DLGAP2: variants seen among roughly 807,000 people sequenced by gnomAD.
DLGAP2 encodes disks large-associated protein 2.
DLGAP2 carries 26 observed loss-of-function variants against 100.3 expected under a neutral mutation model. The observed-to-expected ratio is 0.26, with a 90% CI of 0.19 to 0.36. The LOEUF is 0.36. DLGAP2 is among the 10% of genes least tolerant of loss of function. The pLI, the probability that DLGAP2 is intolerant of heterozygous loss-of-function variation, is 1.00. For synonymous variants in DLGAP2, 886 were observed against 630.1 expected, an observed-to-expected ratio of 1.41 and a Z score of -6.08; for missense variants, 1,858 against 1,453.2, an observed-to-expected ratio of 1.28 and a Z score of -4.53.
chr8:1,340,782 A>G (rs548465730), intron 3 of DLGAP2, among the ~76,000 whole-genome samples: 50 of 152,342 alleles, frequency 3.3e-4, no homozygotes, highest in African/African-American at 1.1e-3. Context: ...ACACATGCAC[A>G]TGTGTGTTCA....
intron 5 of DLGAP2, 175 bp from the exon 6 acceptor site, chr8:1,565,508 T>G: frequency 1.7e-6 from 1 of 574,426 alleles, no homozygotes; most frequent in Non-Finnish European, 3.0e-6. Flanking sequence ...AAACCAACAT[T>G]TTTATATTCA....
At chr8:1,178,744 G>A (rs1305020234) in intron 2 of DLGAP2, among the ~76,000 whole-genome samples, 1 of 152,170 alleles carries the variant, frequency 6.6e-6, no homozygotes, top group East Asian at 1.9e-4. Flanking sequence ...CTTTGGCTCA[G>A]AGACAGTCTT....
intron 2 of DLGAP2, among the ~76,000 whole-genome samples, chr8:1,057,824 T>C (rs1036641284): frequency 9.9e-5 from 15 of 152,102 alleles, no homozygotes; most frequent in Non-Finnish European, 2.9e-5. Context: ...CAAAACAAAG[T>C]ACTTGTTGAA....
chr8:1,675,297 A>T (rs1256408072), intron 10 of DLGAP2, among the ~76,000 whole-genome samples: 1 of 152,202 alleles, frequency 6.6e-6, no homozygotes, highest in African/African-American at 2.4e-5. Context: ...CAAGAGCCCT[A>T]GCCCTGACCC....
At chr8:834,797 C>A (rs1449602450) in intron 1 of DLGAP2, among the ~76,000 whole-genome samples, 1 of 152,164 alleles carries the variant, frequency 6.6e-6, no homozygotes, top group Non-Finnish European at 1.5e-5. Context: ...GTACCCCAAA[C>A]CTCAGCCTCA....
chr8:1,664,784 T>A (rs1034008352), intron 8 of DLGAP2, among the ~76,000 whole-genome samples: 1 of 152,210 alleles, frequency 6.6e-6, no homozygotes, highest in African/African-American at 2.4e-5. Flanking sequence ...TCAGTGATAA[T>A]CCCTGTATCA....
intron 3 of DLGAP2, among the ~76,000 whole-genome samples, chr8:1,496,355 C>T (rs540575999): frequency 2.2e-4 from 33 of 152,174 alleles, no homozygotes; most frequent in African/African-American, 7.5e-4. Flanking sequence ...GGTCTGTCTG[C>T]GCCTCTGTCC....
At chr8:1,221,670 G>C (rs1390067794) in intron 2 of DLGAP2, among the ~76,000 whole-genome samples, 1 of 152,096 alleles carries the variant, frequency 6.6e-6, no homozygotes, top group Non-Finnish European at 1.5e-5. Flanking sequence ...AATTTTCATG[G>C]ACAGCATTCT....
intron 1 of DLGAP2, among the ~76,000 whole-genome samples, chr8:837,726 T>A (rs1008976726): frequency 1.0e-4 from 15 of 146,638 alleles, no homozygotes; most frequent in African/African-American, 3.7e-4. Context: ...AAATATATAA[T>A]TTTTTTTTTA....
chr8:1,202,234 T>C (rs553283181), intron 2 of DLGAP2, among the ~76,000 whole-genome samples: 1 of 124,210 alleles, frequency 8.1e-6, no homozygotes, highest in East Asian at 2.5e-4. Flanking sequence ...TCTGTATGTA[T>C]AGATGCAGTG....
intron 2 of DLGAP2, among the ~76,000 whole-genome samples, chr8:1,007,407 C>A (rs999486844): frequency 2.6e-5 from 4 of 152,228 alleles, no homozygotes; most frequent in Admixed American, 2.6e-4. Flanking sequence ...CATTTTCCTG[C>A]TACCTTTGAA....
intron 2 of DLGAP2, among the ~76,000 whole-genome samples, chr8:1,104,057 C>T (rs1285289805): frequency 2.0e-5 from 3 of 152,192 alleles, no homozygotes; most frequent in African/African-American, 2.4e-5. Context: ...TCGGCCGGCT[C>T]GTCTTCACGC....
chr8:1,355,258 G>T (rs1801821835), intron 3 of DLGAP2, among the ~76,000 whole-genome samples: 1 of 152,280 alleles, frequency 6.6e-6, no homozygotes, highest in Admixed American at 6.5e-5. Flanking sequence ...CACAGCACAG[G>T]CAGAGAGCAC....
chr8:1,183,863 C>T (rs1020511204), intron 2 of DLGAP2, among the ~76,000 whole-genome samples: 1 of 152,206 alleles, frequency 6.6e-6, no homozygotes, highest in African/African-American at 2.4e-5. Context: ...GGTGTGCACC[C>T]TGGGTAAATT....
At chr8:1,463,922 G>A (rs182337011) in intron 3 of DLGAP2, among the ~76,000 whole-genome samples, 7 of 152,356 alleles carry the variant, frequency 4.6e-5, no homozygotes, top group African/African-American at 9.6e-5. Flanking sequence ...CCTGGGACAC[G>A]TGGAGCTTTC....
chr8:1,344,168 C>CTGGGTGCCCTG (rs1563095139), intron 3 of DLGAP2, among the ~76,000 whole-genome samples: 5 of 151,206 alleles, frequency 3.3e-5, no homozygotes, highest in Admixed American at 2.0e-4. Flanking sequence ...GGTCTTTGTA[C>CTGGGTGCCCTG]TCGGGGCGCT....
At chr8:867,925 T>C (rs1797528716) in intron 1 of DLGAP2, among the ~76,000 whole-genome samples, 1 of 152,268 alleles carries the variant, frequency 6.6e-6, no homozygotes, top group Admixed American at 6.5e-5. Context: ...GTGCCAATTT[T>C]ATACTCATTA....
At chr8:1,536,926 G>A (rs1040238550) in intron 4 of DLGAP2, among the ~76,000 whole-genome samples, 3 of 152,048 alleles carry the variant, frequency 2.0e-5, no homozygotes, top group Non-Finnish European at 2.9e-5. Context: ...TGCTTGCTGC[G>A]GGCCTGGCAT....
chr8:828,849 C>T (rs1050260307), intron 1 of DLGAP2, among the ~76,000 whole-genome samples: 1 of 152,170 alleles, frequency 6.6e-6, no homozygotes, highest in Non-Finnish European at 1.5e-5. Context: ...TCAGCCGGTC[C>T]CTCCGTTTGG....
Sources: allele counts gnomAD v4.1 joint callset (sites outside exome capture counted in the v4.1 genomes callset), GRCh38; gene constraint gnomAD v4.1.1; transcripts MANE v1.5; gene names NCBI Gene and HGNC (gene_info 2026-07-23, HGNC 2026-07-21).